The following STAM variants were observed in gnomAD, a reference collection of about 807,000 sequenced individuals.
STAM encodes the protein signal transducing adaptor molecule.
Under a neutral mutation model 63.4 loss-of-function variants are expected in STAM, and 16 were observed. That is an observed-to-expected ratio of 0.25 (90% CI 0.17 to 0.38). The LOEUF is 0.38. Among genes scored for constraint, STAM ranks in the 10% least tolerant of loss-of-function variants. The probability of loss-of-function intolerance (pLI) is 1.00; values close to 1 mark genes in which losing one functional copy is unlikely to be tolerated. For synonymous variants in STAM, 238 were observed against 223.9 expected (o/e 1.06, Z -0.56); for missense variants, 636 against 657.1 (o/e 0.97, Z 0.35).
At chr10:17,706,330 CTCCAGACCTAT>C (rs1440636113) in intron 12 of STAM, among the ~76,000 whole-genome samples, 2 of 149,648 alleles carry the variant, frequency 1.3e-5, no homozygotes, top group Admixed American at 6.6e-5. Context: ...ATCCATCCCA[CTCCAGACCTAT>C]TGAATCAGAA....
intron 2 of STAM, among the ~76,000 whole-genome samples, chr10:17,675,390 G>A (rs1021085796): frequency 1.2e-4 from 18 of 151,892 alleles, no homozygotes; most frequent in African/African-American, 4.4e-4. Context: ...TGTTATCTCA[G>A]CTACTTGGAA....
chr10:17,709,006 GC>G, intron 13 of STAM, 55 bp downstream of exon 13: 1 of 1,558,376 alleles, frequency 6.4e-7, no homozygotes, highest in Non-Finnish European at 8.7e-7. Context: ...CTGTTTAAGT[GC>G]CCCCAGTTAT....
chr10:17,705,618 G>A lies in STAM; in HGVS notation c.1086G>A (p.Val362=). The A allele has an allele frequency of 6.2e-7, 1 of 1,613,312 alleles. No homozygotes were observed. Among genetic ancestry groups the A allele is most frequent in the African/African-American group, 1.3e-5 (1 of 75,012 alleles). Residue 362 remains valine (V), a synonymous_variant, in exon 12 of 14, where the codon GTG becomes GTA. Transcript: ENST00000377524. ...ATTCAGAACTCTCAGAACTTAATGT[G>A]AAAGTGATGGAGGCCCTTTCCTTAT... ...RKHSELSELN[V]KVMEALSLYT...
intron 1 of STAM, among the ~76,000 whole-genome samples, chr10:17,647,392 CTT>C (rs1833559974): frequency 6.6e-6 from 1 of 152,160 alleles, no homozygotes; most frequent in Non-Finnish European, 1.5e-5. Flanking sequence ...GGACACCAAA[CTT>C]TTTCTCATTT....
At chr10:17,681,842 A>G (rs17379193) in intron 2 of STAM, among the ~76,000 whole-genome samples, 3,958 of 152,306 alleles carry the variant, frequency 0.026, 74 homozygotes, top group Middle Eastern at 0.11. Flanking sequence ...AATGTTTTGA[A>G]CACTGAATGA....
chr10:17,660,595 A>T, intron 2 of STAM, 47 bp downstream of exon 2: 1 of 1,490,804 alleles, frequency 6.7e-7, no homozygotes. Context: ...CTTTTTAAAA[A>T]ACACGAAAGG....
chr10:17,708,823 C>T lies in STAM; in HGVS notation c.1257C>T (p.Asn419=), dbSNP rs1358358826. Residue 419 remains asparagine, a synonymous_variant, in exon 13 of 14, where the codon AAC becomes AAT. Coordinates refer to ENST00000377524, the MANE Select transcript of STAM (RefSeq NM_003473.4). The part of the protein sequence containing the change: ...PPSGAYLVAG[N]AQMSHLQSYS... ...GTGGTGCCTACCTGGTTGCAGGGAA[C>T]GCGCAGATGAGCCACCTCCAGAGCT... 11 of 1,613,952 alleles carry T rather than the reference C, an allele frequency of 6.8e-6. No homozygotes were observed. The highest frequency in any genetic ancestry group is 5.3e-5 in the African/African-American group (4 of 74,918).
intron 2 of STAM, among the ~76,000 whole-genome samples, chr10:17,673,335 CT>C (rs1356537242): frequency 6.6e-6 from 1 of 152,062 alleles, no homozygotes; most frequent in African/African-American, 2.4e-5. Context: ...ATAAATAGAA[CT>C]TTATAAGGAA....
At chr10:17,668,842 A>G (rs782726894) in intron 2 of STAM, among the ~76,000 whole-genome samples, 1 of 152,086 alleles carries the variant, frequency 6.6e-6, no homozygotes, top group African/African-American at 2.4e-5. Flanking sequence ...TGGATGTTCT[A>G]CAGTTTGTTT....
chr10:17,675,142 T>C (rs1436092506), intron 2 of STAM, among the ~76,000 whole-genome samples: 1 of 152,224 alleles, frequency 6.6e-6, no homozygotes, highest in Admixed American at 6.5e-5. Flanking sequence ...TTTTCATCGC[T>C]TGGTTTTAGA....
chr10:17,688,310 C>T, intron 5 of STAM, 137 bp downstream of exon 5: 1 of 775,424 alleles, frequency 1.3e-6, no homozygotes, highest in South Asian at 3.2e-5. Context: ...GTGTTAGTAA[C>T]TAGTTGTATT....
At chr10:17,670,314 G>A (rs1177252863) in intron 2 of STAM, among the ~76,000 whole-genome samples, 1 of 152,148 alleles carries the variant, frequency 6.6e-6, no homozygotes, top group African/African-American at 2.4e-5. Context: ...TGTTGTGCTT[G>A]TTTTGCAGAT....
chr10:17,644,399 C>A lies in STAM; in HGVS notation c.40+20C>A, dbSNP rs1554820535. On this transcript the variant is annotated intron_variant, in intron 1 of 13. Coordinates refer to ENST00000377524, the MANE Select transcript of STAM (RefSeq NM_003473.4). ...ATGTTGGTAAGTGTTTTTGCCTCTC[C>A]CTGCCCATTCCTCACCGGACTGCAC... 1 of 1,613,906 alleles carries A rather than the reference C, an allele frequency of 6.2e-7. No individual in the cohort carries two copies. The highest frequency in any genetic ancestry group is 1.3e-5 in the African/African-American group (1 of 74,920).
intron 4 of STAM, 52 bp from the exon 5 acceptor site, chr10:17,687,975 A>T: frequency 6.8e-7 from 1 of 1,466,852 alleles, no homozygotes; most frequent in Non-Finnish European, 9.1e-7. Context: ...TGTCTGTATT[A>T]AATCATTGGC....
chr10:17,713,694 C>G (rs1836666168), intron 13 of STAM, among the ~76,000 whole-genome samples: 1 of 152,108 alleles, frequency 6.6e-6, no homozygotes, highest in Admixed American at 6.5e-5. Context: ...TTTCTCCCAT[C>G]TCCACCATTA....
chr10:17,704,650 T>G, intron 10 of STAM, 132 bp downstream of exon 10: 1 of 762,886 alleles, frequency 1.3e-6, no homozygotes, highest in Non-Finnish European at 2.1e-6. Flanking sequence ...CCAGGCTCAC[T>G]CTCATATGCA....
chr10:17,703,377 A>G lies in STAM; in HGVS notation c.913-1054A>G, dbSNP rs183286059. ...CTTATGTCACTTTCACTCTCTGATG[A>G]TTAATTCGTTTCTCAAGCTATTTTC... On this transcript the variant is annotated intron_variant, in intron 9 of 13. Transcript: ENST00000377524. 2.0e-3 allele frequency among the ~76,000 whole-genome samples: 299 copies of G among 150,178 alleles called. 1 individual carries two copies. The highest frequency in any genetic ancestry group is 6.9e-3 in the African/African-American group (282 of 40,874).
chr10:17,688,322 C>A, intron 5 of STAM, 149 bp downstream of exon 5: 2 of 690,172 alleles, frequency 2.9e-6, no homozygotes, highest in Non-Finnish European at 2.2e-6. Flanking sequence ...AGTTGTATTG[C>A]TAGTTAGTAA....
At chr10:17,702,185 T>A (rs967152619) in intron 9 of STAM, among the ~76,000 whole-genome samples, 2 of 152,172 alleles carry the variant, frequency 1.3e-5, no homozygotes, top group Non-Finnish European at 2.9e-5. Context: ...GTTTTGACCC[T>A]TTGCATATTA....
Sources: gnomAD v4.1 joint callset for allele counts (sites outside exome capture counted in the v4.1 genomes callset) on GRCh38, gnomAD v4.1.1 for gene constraint, MANE v1.5 for transcripts, NCBI Gene and HGNC (gene_info 2026-07-23, HGNC 2026-07-21) for gene names.